The following NF2 variants were observed in gnomAD, a reference collection of about 807,000 sequenced individuals.
NF2 encodes the protein NF2, moesin-ezrin-radixin like (MERLIN) tumor suppressor.
A neutral mutation model predicts 83.7 loss-of-function variants in NF2; 8 were observed. The ratio of observed to expected loss-of-function variants is 0.10; its 90% CI spans 0.06 to 0.17. The LOEUF is 0.17. NF2 is among the 10% of genes least tolerant of loss of function. The pLI is 1.00. For synonymous variants in NF2, 266 were observed against 269.6 expected (o/e 0.99, Z 0.13); for missense variants, 533 against 744.4 (o/e 0.72, Z 3.31).
chr22:29,624,199 G>T (rs59467385), intron 1 of NF2, among the ~76,000 whole-genome samples: 2 of 151,872 alleles, frequency 1.3e-5, no homozygotes, highest in East Asian at 1.9e-4. Flanking sequence ...TTTTTATAGG[G>T]TTTTTTTTGT....
chr22:29,676,171 T>C (rs953184793), intron 13 of NF2, among the ~76,000 whole-genome samples: 1 of 151,796 alleles, frequency 6.6e-6, no homozygotes, highest in Non-Finnish European at 1.5e-5. Flanking sequence ...ATTTTATTTA[T>C]TATTTTTTTT....
chr22:29,616,643 G>A (rs759707138), intron 1 of NF2, among the ~76,000 whole-genome samples: 1 of 152,006 alleles, frequency 6.6e-6, no homozygotes, highest in Non-Finnish European at 1.5e-5. Flanking sequence ...TCGGGAGGCT[G>A]AGGCAGGAGA....
In NF2 at chr22:29,658,146, T is replaced by C. The variant is rs1024815707; in HGVS notation, c.600-43T>C. ...TTGGTGCCCACCCGCTCTCCACCCA[T>C]CTCACTTAGCTCCAATGACAGTGTC... is the stretch of plus-strand genomic sequence containing the variant. On this transcript the variant is annotated intron_variant, in intron 6 of 15. Coordinates refer to ENST00000338641, the MANE Select transcript of NF2 (RefSeq NM_000268.4). 3 of 1,586,632 alleles carry C rather than the reference T, an allele frequency of 1.9e-6. No individual in the cohort carries two copies. In the African/African-American group the frequency reaches 4.0e-5, roughly 21 times the overall value.
chr22:29,643,375 G>A (rs2065867420), intron 4 of NF2, among the ~76,000 whole-genome samples: 1 of 151,980 alleles, frequency 6.6e-6, no homozygotes, highest in African/African-American at 2.4e-5. Flanking sequence ...ATAGTGGAGG[G>A]AAGGTCAGCA....
At chr22:29,621,627 C>T (rs918611380) in intron 1 of NF2, among the ~76,000 whole-genome samples, 8 of 151,828 alleles carry the variant, frequency 5.3e-5, no homozygotes, top group African/African-American at 1.2e-4. Context: ...CCTGATTGCA[C>T]CACTGCACTC....
chr22:29,642,390 GC>G (rs1315605809), intron 4 of NF2, 105 bp downstream of exon 4: 6 of 890,966 alleles, frequency 6.7e-6, no homozygotes, highest in African/African-American at 6.5e-5. Flanking sequence ...AGAGAGACTT[GC>G]CCCAGAAAGT....
chr22:29,677,580 C>T (rs2348688), intron 13 of NF2, among the ~76,000 whole-genome samples: 2 of 151,616 alleles, frequency 1.3e-5, no homozygotes, highest in Admixed American at 6.6e-5. Flanking sequence ...CTCGGTGGGC[C>T]GGTGGGGAGC....
intron 15 of NF2, among the ~76,000 whole-genome samples, chr22:29,686,668 A>G (rs1197412622): frequency 2.0e-5 from 3 of 152,266 alleles, no homozygotes; most frequent in Non-Finnish European, 2.9e-5. Flanking sequence ...AGCCATAATT[A>G]ACTTCACTGT....
rs145942258 is a variant in NF2 at position 29,668,591 on chromosome 22, G to A, written c.999+145G>A. The A allele has an allele frequency of 2.4e-3, 1,660 of 686,696 alleles. 21 individuals carry two copies. Among genetic ancestry groups the A allele is most frequent in the South Asian group, 0.018 (1,159 of 65,926 alleles). 42.5% of individuals were successfully genotyped at this position (686,696 alleles called of 1,614,324 possible). A position where few individuals can be genotyped will look rare whatever the true frequency, so the allele number is the denominator to read the frequency against. On this transcript the variant is annotated intron_variant, in intron 10 of 15. Transcript: ENST00000338641. ...TATACCTTTTGGATCTTCATTTGCC[G>A]ATGCCTACCTGGTGGGATGTCATCT...
intron 15 of NF2, among the ~76,000 whole-genome samples, chr22:29,689,221 G>A (rs1220545277): frequency 6.7e-6 from 1 of 148,196 alleles, no homozygotes; most frequent in Non-Finnish European, 1.5e-5. Flanking sequence ...AGAAAAGCTT[G>A]ATCTGGCCAC....
intron 4 of NF2, among the ~76,000 whole-genome samples, chr22:29,649,684 G>A (rs2066087931): frequency 6.6e-6 from 1 of 151,982 alleles, no homozygotes; most frequent in African/African-American, 2.4e-5. Context: ...AGAGGTTGCA[G>A]TGAGCTGAGA....
chr22:29,694,624 C>A lies in NF2; in HGVS notation c.1738-128C>A. The A allele has an allele frequency of 1.1e-6, 1 of 906,104 alleles. No homozygotes were observed. The highest frequency in any genetic ancestry group is 1.8e-6 in the Non-Finnish European group (1 of 556,974). 56.1% of individuals were successfully genotyped at this position (906,104 alleles called of 1,614,324 possible). ...TGGGACTGACAGCCAACTTCTTGAG[C>A]ATCTATTTGAACAGCCTTCCCTTTC... On this transcript the variant is annotated intron_variant, in intron 15 of 15. Coordinates refer to ENST00000338641, the MANE Select transcript of NF2 (RefSeq NM_000268.4). The surrounding 1 kb of genome is among the most constrained non-coding windows in gnomAD (Gnocchi z 4.1).
At chr22:29,632,797 A>T (rs1173783902) in intron 1 of NF2, among the ~76,000 whole-genome samples, 1 of 152,230 alleles carries the variant, frequency 6.6e-6, no homozygotes, top group African/African-American at 2.4e-5. Flanking sequence ...GAGCAGAAAG[A>T]GGACTAATAC....
chr22:29,672,368 C>T (rs886543861), intron 11 of NF2, among the ~76,000 whole-genome samples: 3 of 141,942 alleles, frequency 2.1e-5, no homozygotes, highest in Admixed American at 7.5e-5. Context: ...CTGGAGTGTA[C>T]AGTGGCACGA....
chr22:29,605,284 C>T (rs545444467), intron 1 of NF2, among the ~76,000 whole-genome samples: 1 of 152,178 alleles, frequency 6.6e-6, no homozygotes, highest in Admixed American at 6.6e-5. Flanking sequence ...CCTGCTTCAG[C>T]CTTCCAGGTA....
At chr22:29,632,151 G>GT (rs968734743) in intron 1 of NF2, among the ~76,000 whole-genome samples, 30 of 151,866 alleles carry the variant, frequency 2.0e-4, no homozygotes, top group African/African-American at 2.7e-4. Flanking sequence ...TTTTTATTTT[G>GT]TTTTTTTTGT....
At chr22:29,665,147 G>T in intron 9 of NF2, 83 bp downstream of exon 9, 1 of 1,063,558 alleles carries the variant, frequency 9.4e-7, no homozygotes, top group South Asian at 1.3e-5. Flanking sequence ...ATATCAGAGT[G>T]ACATCTTGTG....
chr22:29,644,873 A>G (rs2065939737), intron 4 of NF2, among the ~76,000 whole-genome samples: 1 of 148,112 alleles, frequency 6.8e-6, no homozygotes, highest in Non-Finnish European at 1.5e-5. Context: ...TGGCAGCAGT[A>G]TAGTCCAGCT....
chr22:29,642,444 G>C (rs2065837157), intron 4 of NF2, among the ~76,000 whole-genome samples, 159 bp downstream of exon 4: 1 of 152,100 alleles, frequency 6.6e-6, no homozygotes, highest in Non-Finnish European at 1.5e-5. Flanking sequence ...CACTGTCACT[G>C]TTCCAGTGTT....
Sources: gnomAD v4.1 joint callset for allele counts (sites outside exome capture counted in the v4.1 genomes callset) on GRCh38, gnomAD v4.1.1 for gene constraint, Gnocchi (gnomAD v3.1) non-coding constraint, MANE v1.5 for transcripts, NCBI Gene and HGNC (gene_info 2026-07-23, HGNC 2026-07-21) for gene names.